CD52: variants seen among roughly 807,000 people sequenced by gnomAD.
The protein encoded by CD52 is CAMPATH-1 antigen.
CD52 carries 2 observed loss-of-function variants against 2.5 expected under a neutral mutation model. That is an observed-to-expected ratio of 0.79 (90% CI 0.32 to 2.48). The LOEUF (loss-of-function observed/expected upper bound fraction) is 2.48. Among genes scored for constraint, CD52 ranks in the 30% most tolerant of loss-of-function variants. The pLI is 0.11. For missense variants in CD52, 62 were observed against 75.8 expected (o/e 0.82, Z 0.68); for synonymous variants, 24 against 27.7 (o/e 0.87, Z 0.42).
At chr1:26,319,223 C>T (rs980731992) in intron 1 of CD52, among the ~76,000 whole-genome samples, 2 of 148,402 alleles carry the variant, frequency 1.3e-5, no homozygotes, top group East Asian at 1.9e-4. Flanking sequence ...GAGGCTGAGG[C>T]GGGTGGATCA....
intron 1 of CD52, chr1:26,318,282 G>A: frequency 1.8e-6 from 1 of 563,940 alleles, no homozygotes; most frequent in South Asian, 2.2e-5. Context: ...GGGCTGCCCT[G>A]AGAGAAACCT....
chr1:26,320,390 T>C lies in CD52; in HGVS notation c.*88T>C. On this transcript the variant is annotated 3_prime_UTR_variant, in exon 2 of 2. Transcript: ENST00000374213. ...GAATCCCCTCCATCTTTGGGAGGGG[T>C]TGATGCCAGACATCACCAGGTTGTA... is the stretch of plus-strand genomic sequence containing the variant. The C allele has an allele frequency of 6.7e-7, 1 of 1,483,724 alleles. No homozygotes were observed. Among genetic ancestry groups the C allele is most frequent in the Non-Finnish European group, 9.0e-7 (1 of 1,106,474 alleles). 91.9% of individuals were successfully genotyped at this position (1,483,724 alleles called of 1,614,324 possible). A position where few individuals can be genotyped will look rare whatever the true frequency, so the allele number is the denominator to read the frequency against.
chr1:26,318,249 C>T (rs2124684630), intron 1 of CD52, 178 bp downstream of exon 1: 1 of 611,844 alleles, frequency 1.6e-6, no homozygotes, highest in Admixed American at 2.9e-5. Flanking sequence ...TCCAGCTCTT[C>T]TGGCTGGGGC....
At chr1:26,318,349 G>T in intron 1 of CD52, 2 of 412,378 alleles carry the variant, frequency 4.8e-6, no homozygotes, top group Middle Eastern at 6.7e-4. Flanking sequence ...CACCCAAGGG[G>T]TGTTGTGGAA....
chr1:26,320,216 A>T lies in CD52; in HGVS notation c.100A>T (p.Ser34Cys), dbSNP rs1403406287. ...ACAAAACGACACCAGCCAAACCAGC[A>T]GCCCCTCAGCATCCAGCAACATAAG... ...SGQNDTSQTS[S>C]PSASSNISGG... Residue 34 changes from serine (S) to cysteine (C), a missense_variant, in exon 2 of 2, where the codon AGC (serine) becomes TGC (cysteine). Physicochemically the swap from Ser to Cys is moderately radical, Grantham distance 112. Coordinates refer to ENST00000374213, the MANE Select transcript of CD52 (RefSeq NM_001803.3). 6.2e-7 allele frequency: 1 copy of T among 1,613,946 alleles called. No homozygotes were observed. Among genetic ancestry groups the T allele is most frequent in the East Asian group, 2.2e-5 (1 of 44,880 alleles).
chr1:26,319,912 G>A (rs950639918), intron 1 of CD52, among the ~76,000 whole-genome samples: 3 of 151,966 alleles, frequency 2.0e-5, no homozygotes, highest in Admixed American at 2.0e-4. Flanking sequence ...ACCAGGTCAG[G>A]AGTTCGAGAC....
Position 26,320,348 on chromosome 1 carries a change from C to T in CD52, c.*46C>T, listed in dbSNP as rs1292206028. 1 of 1,567,654 alleles carries T rather than the reference C, an allele frequency of 6.4e-7. No individual in the cohort carries two copies. Among genetic ancestry groups the T allele is most frequent in the African/African-American group, 1.4e-5 (1 of 72,228 alleles). ...GCCCTGTGCCCCCTGAAACAGCTGC[C>T]ACCATCACTCGCAAGAGAATCCCCT... On this transcript the variant is annotated 3_prime_UTR_variant, in exon 2 of 2. Transcript: ENST00000374213.
intron 1 of CD52, chr1:26,318,750 G>A (rs1211067604): frequency 1.3e-5 from 2 of 152,490 alleles, no homozygotes; most frequent in Admixed American, 6.5e-5. Context: ...AGTTCTAGTT[G>A]CAGCTCCATC....
At chr1:26,319,900 T>G (rs2124685720) in intron 1 of CD52, among the ~76,000 whole-genome samples, 1 of 151,912 alleles carries the variant, frequency 6.6e-6, no homozygotes, top group Non-Finnish European at 1.5e-5. Flanking sequence ...GGCGGGTGGA[T>G]CACCAGGTCA....
rs1253673768 is a variant in CD52, at chr1:26,318,083, G to A, written c.54+12G>A. 14 of 1,613,004 alleles carry A rather than the reference G, an allele frequency of 8.7e-6. No individual in the cohort carries two copies. Among genetic ancestry groups the A allele is most frequent in the East Asian group, 4.5e-5 (2 of 44,892 alleles). ...TGGTTATGGTACAGGTAAGAGCAAC[G>A]CCTGGCACCACTGCCAGGACTCCCC... On this transcript the variant is annotated intron_variant, in intron 1 of 1. Coordinates refer to ENST00000374213, the MANE Select transcript of CD52 (RefSeq NM_001803.3).
At chr1:26,319,488 C>T (rs1377569349) in intron 1 of CD52, among the ~76,000 whole-genome samples, 2 of 137,976 alleles carry the variant, frequency 1.4e-5, no homozygotes, top group African/African-American at 2.7e-5. Flanking sequence ...ATTAGCTGGG[C>T]GTGATAGCGG....
rs2073818906 is a variant in CD52, at chr1:26,318,308, G to A, written c.54+237G>A. The A allele has an allele frequency of 1.9e-5, 10 of 529,480 alleles. No homozygotes were observed. In the South Asian group the frequency reaches 2.4e-4, roughly 13 times the overall value. The allele number at this position is 529,480 out of a possible 1,614,324, so 32.8% of individuals were successfully genotyped here. A position where few individuals can be genotyped will look rare whatever the true frequency, so the allele number is the denominator to read the frequency against. ...AGAGAAACCTGTATCCACAGCTGGG[G>A]AGCACTTACAGGGTGCTAGGCGCGT... On this transcript the variant is annotated intron_variant, in intron 1 of 1. Transcript: ENST00000374213.
At chr1:26,319,560 T>C (rs1157886567) in intron 1 of CD52, among the ~76,000 whole-genome samples, 1 of 150,844 alleles carries the variant, frequency 6.6e-6, no homozygotes, top group Non-Finnish European at 1.5e-5. Context: ...CCCGAGATCA[T>C]GCCACTTCAC....
chr1:26,319,240 CAGG>C (rs35278501), intron 1 of CD52, among the ~76,000 whole-genome samples: 24,302 of 151,946 alleles, frequency 0.16, 2,027 homozygotes, highest in Middle Eastern at 0.21. Context: ...ATCATGAGGT[CAGG>C]AGATCGAGAC....
intron 1 of CD52, 158 bp downstream of exon 1, chr1:26,318,229 C>T (rs1222522193): frequency 4.6e-6 from 3 of 647,170 alleles, no homozygotes; most frequent in South Asian, 3.6e-5. Context: ...CGGGCCTGGC[C>T]GCCCAGCCTT....
At position 26,318,175 on chromosome 1, in the gene CD52, G is replaced by A. The variant is rs893638055; in HGVS notation, c.54+104G>A. ...TCCCAGAGACCCAGCCTTCTCTCCT[G>A]AGAGCACAGCAGATGGACTCCAACA... On this transcript the variant is annotated intron_variant, in intron 1 of 1. Transcript: ENST00000374213. The A allele has an allele frequency of 1.0e-5, 10 of 979,698 alleles. No homozygotes were observed. The African/African-American group carries it at 1.3e-4, about 13-fold the overall frequency. 60.7% of individuals were successfully genotyped at this position (979,698 alleles called of 1,614,324 possible).
intron 1 of CD52, among the ~76,000 whole-genome samples, chr1:26,319,543 G>A (rs1282524640): frequency 1.3e-5 from 2 of 151,686 alleles, no homozygotes; most frequent in African/African-American, 4.8e-5. Context: ...GGTGGAGGTT[G>A]CAGTGACCCG....
intron 1 of CD52, among the ~76,000 whole-genome samples, chr1:26,319,892 C>A (rs1013552801): frequency 2.6e-5 from 4 of 151,926 alleles, no homozygotes; most frequent in African/African-American, 4.8e-5. Context: ...GAGGCCGAGG[C>A]GGGTGGATCA....
rs376015947 is a variant in CD52 at position 26,317,974 on chromosome 1, A to G, written c.-44A>G. The G allele has an allele frequency of 6.3e-7, 1 of 1,583,688 alleles. No individual in the cohort carries two copies. The highest frequency in any genetic ancestry group is 1.3e-5 in the African/African-American group (1 of 74,290). On this transcript the variant is annotated 5_prime_UTR_variant, in exon 1 of 2. Transcript: ENST00000374213. ...GAAGCCTCCAGACAGCCCTGAGATC[A>G]CCTAAAAAGCTGCTACCAAGACAGC...
Sources: gnomAD v4.1 joint callset for allele counts (sites outside exome capture counted in the v4.1 genomes callset) on GRCh38, gnomAD v4.1.1 for gene constraint, MANE v1.5 for transcripts, NCBI Gene and HGNC (gene_info 2026-07-23, HGNC 2026-07-21) for gene names.